The following KIFC3 variants were observed in gnomAD, a reference collection of about 807,000 sequenced individuals.
KIFC3 encodes kinesin family member C3.
KIFC3 carries 60 observed loss-of-function variants against 101.8 expected under a neutral mutation model. The observed-to-expected ratio is 0.59, with a 90% CI of 0.48 to 0.73. The LOEUF (loss-of-function observed/expected upper bound fraction) is 0.73. Ranked by LOEUF, KIFC3 falls within the 30% of genes least tolerant of loss-of-function variation. The pLI, the probability that KIFC3 is intolerant of heterozygous loss-of-function variation, is 0.00. For missense variants in KIFC3, 966 were observed against 1,137.1 expected (o/e 0.85, Z 2.16); for synonymous variants, 476 against 482.7 (o/e 0.99, Z 0.18).
intron 1 of KIFC3, among the ~76,000 whole-genome samples, chr16:57,844,353 C>CT (rs2055872717): frequency 1.3e-5 from 2 of 150,536 alleles, no homozygotes; most frequent in Admixed American, 1.3e-4. Flanking sequence ...TTGCTTGAAC[C>CT]CGGGAGGCGG....
chr16:57,784,197 A>T (rs1346131834), intron 3 of KIFC3, among the ~76,000 whole-genome samples: 6 of 152,240 alleles, frequency 3.9e-5, no homozygotes, highest in African/African-American at 1.4e-4. Flanking sequence ...GTGCCAGTAC[A>T]AAAGGGGCGT....
chr16:57,761,352 T>C lies in KIFC3; in HGVS notation c.1872+61A>G, dbSNP rs782572612. 1.5e-5 allele frequency: 24 copies of C among 1,608,740 alleles called. 2 individuals carry two copies. In the South Asian group the frequency reaches 2.5e-4, roughly 17 times the overall value. ...GCTTAGGACACAGCAGAGCCTACAT[T>C]CAAACCCAGTTGTGTCCTCTAGAGC... On this transcript the variant is annotated intron_variant, in intron 14 of 19. Transcript: ENST00000445690.
chr16:57,817,024 G>A (rs7199658), intron 1 of KIFC3: 21,926 of 321,344 alleles, frequency 0.068, 1,462 homozygotes, highest in East Asian at 0.2. Context: ...TGGGGCTGCC[G>A]TCGCAAACTG....
At chr16:57,765,943 G>C (rs137873115) in intron 10 of KIFC3, 1 of 307,476 alleles carries the variant, frequency 3.3e-6, no homozygotes, top group African/African-American at 2.1e-5. Flanking sequence ...ACACCAGAAC[G>C]GACACTCTTT....
rs202247445 is a variant in KIFC3 at position 57,771,694 on chromosome 16, G to A, written c.382-8C>T. 7.3e-5 allele frequency: 118 copies of A among 1,609,470 alleles called. 1 individual carries two copies. The African/African-American group carries it at 1.1e-3, about 16-fold the overall frequency. On this transcript the variant is annotated splice_region_variant and splice_polypyrimidine_tract_variant and intron_variant, in intron 4 of 19. Coordinates refer to ENST00000445690, the MANE Select transcript of KIFC3 (RefSeq NM_001130100.2). Reference sequence around the variant, plus strand: ...CTCCAAGTCGGTGCCCCCCTGCAGAGAGCCAGGGCCGAGGGGGCGCATGTG... The same window carrying A: ...CTCCAAGTCGGTGCCCCCCTGCAGAAAGCCAGGGCCGAGGGGGCGCATGTG...
chr16:57,760,019 G>C, intron 17 of KIFC3, 183 bp from the exon 18 acceptor site: 1 of 613,792 alleles, frequency 1.6e-6, no homozygotes, highest in Non-Finnish European at 2.8e-6. Context: ...TTCATGTAAA[G>C]AAGTCAACTA....
Position 57,798,106 on chromosome 16 carries a change from AG to A in KIFC3, c.137del (p.Pro46LeufsTer10). The A allele has an allele frequency of 1.3e-6, 2 of 1,589,624 alleles. No homozygotes were observed. The highest frequency in any genetic ancestry group is 1.1e-5 in the South Asian group (1 of 87,440). On this transcript the variant is annotated frameshift_variant, in exon 2 of 20. Transcript: ENST00000445690. LOFTEE classifies it high-confidence loss of function. ...ACCTCCCCGGGCCGGTGTGTGGGAA[AG>A]GGCGGGCGGCCGGGCTGGCTGGGGC... ...APAPASPAAR[P>X]FPHTGPGRLR...
At chr16:57,788,629 T>G (rs2053572001) in intron 3 of KIFC3, 1 of 1,289,590 alleles carries the variant, frequency 7.8e-7, no homozygotes, top group South Asian at 1.2e-5. Flanking sequence ...CGGGCCCGCC[T>G]GGGGGCCGGC....
chr16:57,795,258 C>T lies in KIFC3; in HGVS notation c.173-117G>A, dbSNP rs2149196765. 15 of 1,258,782 alleles carry T rather than the reference C, an allele frequency of 1.2e-5. No homozygotes were observed. The South Asian group carries it at 2.2e-4, about 19-fold the overall frequency. 78.0% of individuals were successfully genotyped at this position (1,258,782 alleles called of 1,614,324 possible). ...AGCTTTCACACATCCCTGGCTGGTCCAGATGTGGCCAGGAGGGGCTCACAC... is the reference window on the plus strand; with the variant it reads ...AGCTTTCACACATCCCTGGCTGGTCTAGATGTGGCCAGGAGGGGCTCACAC... On this transcript the variant is annotated intron_variant, in intron 2 of 19. Transcript: ENST00000445690.
At chr16:57,803,661 G>A (rs1286455902), upstream of KIFC3, among the ~76,000 whole-genome samples, 1 of 152,256 alleles carries the variant, frequency 6.6e-6, no homozygotes, top group Non-Finnish European at 1.5e-5. Flanking sequence ...CGCCAGAGCA[G>A]GACAGTCACA....
chr16:57,802,542 A>G, upstream of KIFC3: 2 of 987,082 alleles, frequency 2.0e-6, no homozygotes, highest in Non-Finnish European at 2.4e-6. This position sits in a 1 kb window ranked among gnomAD's most constrained non-coding sequence, Gnocchi z 5.0. Context: ...GCGCGTTCCC[A>G]TGGCAACCGG....
intron 3 of KIFC3, chr16:57,775,009 G>A: frequency 6.5e-7 from 1 of 1,533,914 alleles, no homozygotes; most frequent in East Asian, 2.5e-5. Context: ...GCCCCTGCCA[G>A]GCACTCAGAC....
At chr16:57,774,971 C>A in intron 3 of KIFC3, 1 of 1,532,312 alleles carries the variant, frequency 6.5e-7, no homozygotes, top group East Asian at 2.5e-5. Context: ...TGGGGCTGGG[C>A]GCACTAACCT....
chr16:57,792,626 G>C (rs189875513), intron 3 of KIFC3, among the ~76,000 whole-genome samples: 1 of 152,244 alleles, frequency 6.6e-6, no homozygotes, highest in Admixed American at 6.5e-5. Context: ...CGGGCGTAAT[G>C]GCTCACATCT....
chr16:57,776,070 T>C, intron 3 of KIFC3: 1 of 985,516 alleles, frequency 1.0e-6, no homozygotes, highest in Non-Finnish European at 1.2e-6. Flanking sequence ...TTCTCAGCTG[T>C]CTGCTTCCAA....
chr16:57,794,821 G>C (rs1335461232), intron 3 of KIFC3, among the ~76,000 whole-genome samples, 178 bp downstream of exon 3: 1 of 152,138 alleles, frequency 6.6e-6, no homozygotes, highest in Non-Finnish European at 1.5e-5. Context: ...GAGATTTCCC[G>C]TCTGACTTAA....
intron 1 of KIFC3, among the ~76,000 whole-genome samples, chr16:57,824,824 T>C (rs1290835454): frequency 6.6e-6 from 1 of 152,180 alleles, no homozygotes; most frequent in Non-Finnish European, 1.5e-5. Context: ...TAAGGAATTT[T>C]TGTAAAGATG....
intron 1 of KIFC3, among the ~76,000 whole-genome samples, chr16:57,854,118 T>A (rs566564559): frequency 1.0e-3 from 155 of 152,008 alleles, no homozygotes; most frequent in African/African-American, 3.6e-3. Context: ...ATTTTTGTAT[T>A]TTTGCTAGAA....
At chr16:57,813,624 C>A in intron 1 of KIFC3, 1 of 943,222 alleles carries the variant, frequency 1.1e-6, no homozygotes, top group Non-Finnish European at 1.3e-6. Context: ...CTGCCGAGTG[C>A]CTGCATGACA....
Sources: allele counts gnomAD v4.1 joint callset (sites outside exome capture counted in the v4.1 genomes callset), GRCh38; gene constraint gnomAD v4.1.1; non-coding constraint Gnocchi (gnomAD v3.1); transcripts MANE v1.5; gene names NCBI Gene and HGNC (gene_info 2026-07-23, HGNC 2026-07-21).